The following QTMAN variants were observed in gnomAD, a reference collection of about 807,000 sequenced individuals.
QTMAN encodes tRNA-queuosine alpha-mannosyltransferase.
chr2:144,240,843 C>T, the QTMAN span, among the ~76,000 whole-genome samples: 8 of 152,184 alleles, frequency 5.3e-5, no homozygotes, highest in Non-Finnish European at 1.2e-4. Context: ...TCACTGAGCA[C>T]CCAGGAGGGT....
the QTMAN span, among the ~76,000 whole-genome samples, chr2:144,254,898 T>G: frequency 6.6e-6 from 1 of 152,254 alleles, no homozygotes; most frequent in African/African-American, 2.4e-5. Flanking sequence ...ACTGCTCTAT[T>G]GCATTTCAGA....
At chr2:144,332,346 C>A in the QTMAN span, 4 of 149,006 alleles carry the variant, frequency 2.7e-5, no homozygotes, top group African/African-American at 4.9e-5. Context: ...GCAGCGCGGC[C>A]CCGCGAGGCG....
the QTMAN span, among the ~76,000 whole-genome samples, chr2:144,296,213 T>C: frequency 7.2e-5 from 11 of 152,190 alleles, 1 homozygote; most frequent in African/African-American, 2.4e-4. Context: ...TAGGAATAAT[T>C]TGTGTTGCTA....
the QTMAN span, among the ~76,000 whole-genome samples, chr2:144,067,302 A>G: frequency 1.3e-5 from 2 of 152,242 alleles, no homozygotes; most frequent in Admixed American, 1.3e-4. Context: ...GGTTTTTTAA[A>G]TTGGCTCTTA....
chr2:144,246,579 C>CAAAAAAAAAAA, the QTMAN span, among the ~76,000 whole-genome samples: 11 of 46,966 alleles, frequency 2.3e-4, no homozygotes, highest in African/African-American at 2.5e-4. Context: ...GACTCCGTCT[C>CAAAAAAAAAAA]AAAAAAAAAA....
chr2:143,970,577 A>G, the QTMAN span: 1 of 813,044 alleles, frequency 1.2e-6, no homozygotes, highest in Middle Eastern at 2.5e-4. Flanking sequence ...ACAAAGGGAA[A>G]CATGGAAATT....
At chr2:144,049,409 G>A in the QTMAN span, among the ~76,000 whole-genome samples, 4 of 152,070 alleles carry the variant, frequency 2.6e-5, no homozygotes, top group Non-Finnish European at 4.4e-5. Flanking sequence ...TTACTGATAC[G>A]AGTTGTGGAA....
chr2:144,238,907 T>C, the QTMAN span, among the ~76,000 whole-genome samples: 38 of 152,258 alleles, frequency 2.5e-4, 1 homozygote, highest in South Asian at 6.4e-3. Context: ...GACTGTGGCA[T>C]TGGCACTCCT....
chr2:144,319,308 T>G, the QTMAN span, among the ~76,000 whole-genome samples: 9 of 152,082 alleles, frequency 5.9e-5, no homozygotes, highest in Admixed American at 1.3e-4. Context: ...GGCAAACACT[T>G]CCACATGAAA....
the QTMAN span, among the ~76,000 whole-genome samples, chr2:144,203,150 A>AGTGTGTGTGT: frequency 8.3e-4 from 121 of 145,644 alleles, no homozygotes; most frequent in East Asian, 3.5e-3. Context: ...TACAATGAAG[A>AGTGTGTGTGT]GTGTGTGTGT....
At chr2:143,939,353 C>T in the QTMAN span, 1 of 152,118 alleles carries the variant, frequency 6.6e-6, no homozygotes, top group African/African-American at 2.4e-5. Context: ...TTTTAAATGC[C>T]AGAGTTATGA....
the QTMAN span, among the ~76,000 whole-genome samples, chr2:144,195,999 T>C: frequency 1.3e-5 from 2 of 152,174 alleles, no homozygotes; most frequent in African/African-American, 4.8e-5. Flanking sequence ...CTTGGTTTCC[T>C]AGCAGTGATC....
At chr2:144,172,658 G>T in the QTMAN span, among the ~76,000 whole-genome samples, 3 of 146,112 alleles carry the variant, frequency 2.1e-5, no homozygotes, top group Non-Finnish European at 4.5e-5. Context: ...TTCTTAAGAA[G>T]CTTAACTTAG....
the QTMAN span, among the ~76,000 whole-genome samples, chr2:144,237,622 G>A: frequency 6.6e-6 from 1 of 151,884 alleles, no homozygotes; most frequent in African/African-American, 2.4e-5. Flanking sequence ...TTCATTTTTT[G>A]CTTCCACAGA....
the QTMAN span, among the ~76,000 whole-genome samples, chr2:144,221,075 C>A: frequency 1.3e-5 from 2 of 152,130 alleles, no homozygotes; most frequent in African/African-American, 4.8e-5. Context: ...ACCATCTGTA[C>A]AGTAGATGCA....
chr2:143,983,764 C>T, the QTMAN span, among the ~76,000 whole-genome samples: 2 of 152,120 alleles, frequency 1.3e-5, no homozygotes, highest in Non-Finnish European at 2.9e-5. Context: ...TGAGCCACCA[C>T]GCCCAGCCGA....
the QTMAN span, among the ~76,000 whole-genome samples, chr2:144,321,875 G>C: frequency 1.3e-5 from 2 of 152,052 alleles, no homozygotes; most frequent in Non-Finnish European, 1.5e-5. Context: ...TAAAGTGAGA[G>C]TCACTACAAC....
At chr2:144,041,170 G>A in the QTMAN span, among the ~76,000 whole-genome samples, 1 of 152,116 alleles carries the variant, frequency 6.6e-6, no homozygotes, top group African/African-American at 2.4e-5. Flanking sequence ...GGGGTCAAGC[G>A]ATTTTTAACA....
the QTMAN span, among the ~76,000 whole-genome samples, chr2:144,229,376 A>G: frequency 6.6e-6 from 1 of 152,236 alleles, no homozygotes; most frequent in Non-Finnish European, 1.5e-5. Flanking sequence ...CACATTCCAA[A>G]AACATTTGAG....
Sources: allele counts gnomAD v4.1 joint callset (sites outside exome capture counted in the v4.1 genomes callset), GRCh38; gene constraint gnomAD v4.1.1; transcripts MANE v1.5; gene names NCBI Gene and HGNC (gene_info 2026-07-23, HGNC 2026-07-21).